The following CHODL variants were observed in gnomAD, a reference collection of about 807,000 sequenced individuals.
CHODL encodes transmembrane protein MT75.
In CHODL, 29 loss-of-function variants were observed where a neutral mutation model predicts 34.5. The ratio of observed to expected loss-of-function variants is 0.84; its 90% CI spans 0.63 to 1.15. The LOEUF is 1.15. CHODL is among the 50% of genes most tolerant of loss of function. The pLI is 0.00. For synonymous variants in CHODL, 125 were observed against 116.1 expected (o/e 1.08, Z -0.49); for missense variants, 332 against 332.5 (o/e 1.00, Z 0.01).
intron 1 of CHODL, among the ~76,000 whole-genome samples, chr21:18,005,067 T>G (rs1180138503): frequency 6.6e-6 from 1 of 152,204 alleles, no homozygotes; most frequent in African/African-American, 2.4e-5. Context: ...GAATATGGAC[T>G]TAAATACAGG....
At chr21:17,952,095 G>A (rs1269918552) in intron 1 of CHODL, among the ~76,000 whole-genome samples, 1 of 145,624 alleles carries the variant, frequency 6.9e-6, no homozygotes, top group Non-Finnish European at 1.5e-5. Context: ...GTGCACACCT[G>A]TGGTCCCAGC....
rs528746345 is a variant in CHODL, at chr21:18,262,273, A to G, written c.635-518A>G. On this transcript the variant is annotated intron_variant, in intron 4 of 5. Transcript: ENST00000299295. ...CATGAATACAGTCATGTGCCACTTA[A>G]CAATGGGGACATGTTCTGAGAAATG... Among the ~76,000 whole-genome samples the G allele has an allele frequency of 1.1e-3, 173 of 152,278 alleles. 1 individual carries two copies. The highest frequency in any genetic ancestry group is 4.0e-3 in the African/African-American group (166 of 41,558).
At chr21:18,162,950 C>G (rs1389281607) in intron 2 of CHODL, among the ~76,000 whole-genome samples, 1 of 152,132 alleles carries the variant, frequency 6.6e-6, no homozygotes, top group Non-Finnish European at 1.5e-5. Flanking sequence ...TCCATTCATT[C>G]ATTTTGATTG....
intron 2 of CHODL, among the ~76,000 whole-genome samples, chr21:18,215,276 G>A (rs1343787707): frequency 6.6e-6 from 1 of 151,864 alleles, no homozygotes; most frequent in South Asian, 2.1e-4. Flanking sequence ...ATCTTGTGCA[G>A]TCCAGGTAGG....
rs573519371 is a variant in CHODL, at chr21:18,015,649, G to C, written c.-144-12223G>C. On this transcript the variant is annotated intron_variant, in intron 1 of 6. Transcript: ENST00000400127. Reference sequence around the variant, plus strand: ...AATGAGGGAAAGTTTGGAATGTCCTGGAGACTCATTGAATGGTTGTGACCA... The same window carrying C: ...AATGAGGGAAAGTTTGGAATGTCCTCGAGACTCATTGAATGGTTGTGACCA... Among the ~76,000 whole-genome samples, 4 of 152,270 alleles carry C rather than the reference G, an allele frequency of 2.6e-5. No homozygotes were observed. The East Asian group carries it at 7.7e-4, about 29-fold the overall frequency.
chr21:17,973,799 C>T (rs1047783652), intron 1 of CHODL, among the ~76,000 whole-genome samples: 7 of 143,590 alleles, frequency 4.9e-5, no homozygotes, highest in African/African-American at 7.8e-5. Context: ...TACTATCTTT[C>T]AGGAAAAAAA....
intron 1 of CHODL, among the ~76,000 whole-genome samples, chr21:17,977,364 CTTTT>C (rs542807552): frequency 7.5e-6 from 1 of 134,138 alleles, no homozygotes; most frequent in Non-Finnish European, 1.6e-5. Context: ...GGCTGTTTTA[CTTTT>C]TTTTTTTTTT....
At chr21:18,197,538 C>T (rs1465942428) in intron 2 of CHODL, among the ~76,000 whole-genome samples, 4 of 152,174 alleles carry the variant, frequency 2.6e-5, no homozygotes, top group Non-Finnish European at 5.9e-5. Context: ...ATTGCTTGAA[C>T]CCGGGATGCG....
At chr21:18,041,692 G>A (rs1269665031) in intron 2 of CHODL, among the ~76,000 whole-genome samples, 2 of 151,816 alleles carry the variant, frequency 1.3e-5, no homozygotes, top group African/African-American at 4.8e-5. Flanking sequence ...GAATGGAATA[G>A]GCTCAATTTA....
chr21:17,933,394 G>A (rs933894995), intron 1 of CHODL, among the ~76,000 whole-genome samples: 13 of 152,186 alleles, frequency 8.5e-5, no homozygotes, highest in East Asian at 1.9e-4. Flanking sequence ...GCGGCCTTCC[G>A]CAGTGTTTGA....
intron 2 of CHODL, among the ~76,000 whole-genome samples, chr21:18,236,408 T>C (rs1337284134): frequency 1.8e-4 from 27 of 152,220 alleles, no homozygotes; most frequent in Non-Finnish European, 4.4e-5. Flanking sequence ...TATCAAGCTT[T>C]GATTACTTTT....
intron 2 of CHODL, among the ~76,000 whole-genome samples, chr21:18,069,224 C>G (rs912686530): frequency 6.6e-6 from 1 of 152,090 alleles, no homozygotes; most frequent in Non-Finnish European, 1.5e-5. Context: ...ACAATTCCTT[C>G]TGAGCAATGT....
intron 2 of CHODL, among the ~76,000 whole-genome samples, chr21:18,088,982 A>G (rs2065040272): frequency 6.6e-6 from 1 of 152,178 alleles, no homozygotes; most frequent in Admixed American, 6.5e-5. Context: ...AGGAGGCTGC[A>G]CCTGCTCATC....
At chr21:18,078,783 G>A (rs1048471765) in intron 2 of CHODL, among the ~76,000 whole-genome samples, 1 of 152,096 alleles carries the variant, frequency 6.6e-6, no homozygotes, top group Non-Finnish European at 1.5e-5. Flanking sequence ...GGGAGTTTAT[G>A]GATGTTGTCT....
At chr21:18,185,968 T>G (rs1031815512) in intron 2 of CHODL, among the ~76,000 whole-genome samples, 7 of 152,246 alleles carry the variant, frequency 4.6e-5, no homozygotes, top group Middle Eastern at 3.4e-3. Context: ...CCTTAGTGAT[T>G]AGGTTTTAAC....
Position 18,245,319 on chromosome 21 carries a change from C to A in CHODL, c.79+17C>A. ...TGGTCAGCGGTGAGTCAGGGGCCGT[C>A]TCCCCGAAGAACGAGCGGGGAGAGG... On this transcript the variant is annotated intron_variant, in intron 1 of 5. Transcript: ENST00000299295. 3 of 1,512,762 alleles carry A rather than the reference C, an allele frequency of 2.0e-6. No individual in the cohort carries two copies. Among genetic ancestry groups the A allele is most frequent in the Non-Finnish European group, 2.6e-6 (3 of 1,135,756 alleles). 93.7% of individuals were successfully genotyped at this position (1,512,762 alleles called of 1,614,324 possible).
At chr21:18,208,250 A>G (rs1243548173) in intron 2 of CHODL, among the ~76,000 whole-genome samples, 3 of 149,394 alleles carry the variant, frequency 2.0e-5, no homozygotes, top group African/African-American at 5.0e-5. Flanking sequence ...CTTCTGCTTG[A>G]TCAATTCTAT....
chr21:17,947,452 G>A (rs1226246551), intron 1 of CHODL, among the ~76,000 whole-genome samples: 2 of 151,864 alleles, frequency 1.3e-5, no homozygotes, highest in African/African-American at 4.8e-5. Context: ...ACAACCTACA[G>A]AAGGGAGAAA....
chr21:18,141,729 A>G (rs1682570671), intron 2 of CHODL, among the ~76,000 whole-genome samples: 1 of 151,940 alleles, frequency 6.6e-6, no homozygotes, highest in African/African-American at 2.4e-5. Flanking sequence ...ACAGGAAAAA[A>G]AAAAAAAAAA....
Sources: gnomAD v4.1 joint callset for allele counts (sites outside exome capture counted in the v4.1 genomes callset) on GRCh38, gnomAD v4.1.1 for gene constraint, MANE v1.5 for transcripts, NCBI Gene and HGNC (gene_info 2026-07-23, HGNC 2026-07-21) for gene names.